Variants in INSRR observed in about 807,000 individuals in gnomAD.
INSRR encodes the protein insulin receptor-related protein.
INSRR carries 114 observed loss-of-function variants against 130.0 expected under a neutral mutation model. That is an observed-to-expected ratio of 0.88 (90% CI 0.75 to 1.02). INSRR has a LOEUF of 1.02. Among genes scored for constraint, INSRR ranks in the 50% least tolerant of loss-of-function variants. The pLI, the probability that INSRR is intolerant of heterozygous loss-of-function variation, is 0.00. For synonymous variants in INSRR, 674 were observed against 705.2 expected, an observed-to-expected ratio of 0.96 and a Z score of 0.70; for missense variants, 1,657 against 1,735.2, an observed-to-expected ratio of 0.95 and a Z score of 0.80.
intron 11 of INSRR, 28 bp downstream of exon 11, chr1:156,845,344 C>T (rs1407118832): frequency 1.9e-6 from 3 of 1,606,342 alleles, no homozygotes; most frequent in Non-Finnish European, 2.6e-6. Context: ...AAGCCACGCC[C>T]CTCAGCACCT....
chr1:156,848,770 G>A, intron 7 of INSRR, 151 bp downstream of exon 7: 2 of 883,228 alleles, frequency 2.3e-6, no homozygotes, highest in Non-Finnish European at 3.4e-6. Context: ...AAGAGAGCCA[G>A]ACCTGGGCCC....
Position 156,852,201 on chromosome 1 carries a change from G to A in INSRR, c.638-10C>T. 2 of 1,580,146 alleles carry A rather than the reference G, an allele frequency of 1.3e-6. No homozygotes were observed. Among genetic ancestry groups the A allele is most frequent in the Non-Finnish European group, 8.6e-7 (1 of 1,160,290 alleles). ...TGGGGGCAGGGGCACACTGTGGGGA[G>A]AGTGGTGTGTTAGACGTTGGCCATG... On this transcript the variant is annotated splice_polypyrimidine_tract_variant and intron_variant, in intron 2 of 21. Coordinates refer to ENST00000368195, the MANE Select transcript of INSRR (RefSeq NM_014215.3).
intron 4 of INSRR, 87 bp downstream of exon 4, chr1:156,851,559 T>A (rs753679667): frequency 6.2e-7 from 1 of 1,609,186 alleles, no homozygotes; most frequent in Non-Finnish European, 8.5e-7. Flanking sequence ...GATGGAAAAT[T>A]GTGCTGAGTT....
Position 156,850,534 on chromosome 1 carries a change from CTTTTTTTTTTTTTT to C in INSRR, c.1229+742_1229+755del, listed in dbSNP as rs35237064. ...GACCTGGATGGTAATTTAAAACATT[CTTTTTTTTTTTTTT>C]TTTTTTTTTTTTTTTTTGAGATGGA... On this transcript the variant is annotated intron_variant, in intron 5 of 21. Transcript: ENST00000368195. Among the ~76,000 whole-genome samples, 115 of 58,644 alleles carry C rather than the reference CTTTTTTTTTTTTTT, an allele frequency of 2.0e-3. 1 individual carries two copies. Among genetic ancestry groups the C allele is most frequent in the East Asian group, 0.01 (19 of 1,840 alleles). 38.5% of individuals were successfully genotyped at this position (58,644 alleles called of 152,430 possible). A position where few individuals can be genotyped will look rare whatever the true frequency, so the allele number is the denominator to read the frequency against.
rs1432718487 is a variant in INSRR at position 156,845,696 on chromosome 1, C to T, written c.2097G>A (p.Leu699=). The T allele has an allele frequency of 3.1e-6, 5 of 1,612,988 alleles. No homozygotes were observed. Among genetic ancestry groups the T allele is most frequent in the Non-Finnish European group, 3.4e-6 (4 of 1,179,712 alleles). The change falls in exon 10 of 22, where the codon CTG becomes CTA. Residue 699 remains leucine, a synonymous_variant. Coordinates refer to ENST00000368195, the MANE Select transcript of INSRR (RefSeq NM_014215.3). ...PCQHPPPGQV[L]PPLEAQEASF... Reference sequence around the variant, plus strand: ...AGGCCTCTTGCGCCTCCAGCGGGGGCAGAACCTGACCAGGAGGTGGGTGCT... The same window carrying T: ...AGGCCTCTTGCGCCTCCAGCGGGGGTAGAACCTGACCAGGAGGTGGGTGCT...
In INSRR at chr1:156,845,197, C is replaced by G; in HGVS notation, c.2316G>C (p.Ala772=). The change falls in exon 12 of 22, where the codon GCG becomes GCC. Residue 772 remains alanine, a synonymous_variant. Transcript: ENST00000368195. ...IQEDKVPRER[A]VLSGLRHFTE... ...TGAAGTGGCGCAGGCCGCTCAGCAC[C>G]GCTCGCTCACGGGGCACCTTGTCCT... 6.2e-7 allele frequency: 1 copy of G among 1,609,396 alleles called. No individual in the cohort carries two copies. The highest frequency in any genetic ancestry group is 1.1e-5 in the South Asian group (1 of 90,224).
chr1:156,849,943 T>A (rs1655144325), intron 5 of INSRR, among the ~76,000 whole-genome samples: 1 of 151,574 alleles, frequency 6.6e-6, no homozygotes, highest in South Asian at 2.1e-4. Context: ...CACTCTGTCA[T>A]CCAGGCCAGA....
chr1:156,847,893 AGTT>A (rs1164121203), intron 7 of INSRR, among the ~76,000 whole-genome samples: 1 of 152,130 alleles, frequency 6.6e-6, no homozygotes, highest in African/African-American at 2.4e-5. Flanking sequence ...AGCTGTGTAT[AGTT>A]GTGCAGATTG....
rs1371053320 is a variant in INSRR, at chr1:156,840,213, G to A, written c.*660C>T. 3 of 153,982 alleles carry A rather than the reference G, an allele frequency of 1.9e-5. No individual in the cohort carries two copies. Among genetic ancestry groups the A allele is most frequent in the African/African-American group, 7.2e-5 (3 of 41,382 alleles). 9.5% of individuals were successfully genotyped at this position (153,982 alleles called of 1,614,324 possible). On this transcript the variant is annotated 3_prime_UTR_variant, in exon 22 of 22. Coordinates refer to ENST00000368195, the MANE Select transcript of INSRR (RefSeq NM_014215.3). The stretch of plus-strand genomic sequence containing the variant: ...GGGCTAATCATTGAGGGGAGGGACT[G>A]AAGAAAGGGTGACTGTACTCCAAGG...
In INSRR at chr1:156,846,558, C is replaced by T; in HGVS notation, c.1771G>A (p.Ala591Thr). ...TTEEDSPHQG[A>T]QSPIVYLRTL... ...CGGAGGTAGACGATGGGACTCTGGG[C>T]TCCTTGATGAGGGCTGTCCTCCTCA... The change falls in exon 8 of 22, where the codon GCC becomes ACC. Residue 591 changes from alanine to threonine, a missense_variant. Transcript: ENST00000368195. The T allele has an allele frequency of 6.2e-7, 1 of 1,614,194 alleles. No homozygotes were observed. Among genetic ancestry groups the T allele is most frequent in the Non-Finnish European group, 8.5e-7 (1 of 1,180,026 alleles).
rs763085749 is a variant in INSRR, at chr1:156,853,994, C to A, written c.395G>T (p.Gly132Val). The change falls in exon 2 of 22, where the codon GGG becomes GTG. Residue 132 changes from glycine to valine, a missense_variant. Gly to Val is a moderately radical substitution (Grantham distance 109, BLOSUM62 -3). Transcript: ENST00000368195. Reference sequence around the variant, plus strand: ...ACGCACAGCCCCACGCAGCACGGCCCCAAGTGCAGGCAGTGCCACGTCACG... The same window carrying A: ...ACGCACAGCCCCACGCAGCACGGCCACAAGTGCAGGCAGTGCCACGTCACG... ...HLRDVALPALGAVLRGAVRVE... is the reference protein window; with the variant it reads ...HLRDVALPALVAVLRGAVRVE... 5.0e-6 allele frequency: 8 copies of A among 1,613,552 alleles called. No individual in the cohort carries two copies. The highest frequency in any genetic ancestry group is 1.7e-5 in the Admixed American group (1 of 59,990).
chr1:156,844,391 G>A (rs1180780039), intron 14 of INSRR, 71 bp downstream of exon 14: 3 of 1,572,762 alleles, frequency 1.9e-6, no homozygotes, highest in Non-Finnish European at 2.6e-6. Context: ...TGCGGGGGAG[G>A]GGCCTGTGGT....
rs143355682 is a variant in INSRR, at chr1:156,842,443, A to C, written c.3192T>G (p.Arg1064=). The change falls in exon 18 of 22, where the codon CGT becomes CGG. Residue 1064 remains arginine (R), a synonymous_variant. Transcript: ENST00000368195. ...PTLVIMELMT[R]GDLKSHLRSL... is the part of the protein sequence containing the mutation. ...ATCGAAGATGGCTCTTGAGGTCCCC[A>C]CGGGTCATTAACTCCATGATGACCA... The C allele has an allele frequency of 1.1e-5, 17 of 1,613,928 alleles. No homozygotes were observed. The African/African-American group carries it at 2.3e-4, about 22-fold the overall frequency.
rs1315182945 is a variant in INSRR at position 156,845,472 on chromosome 1, C to T, written c.2175-59G>A. 2.1e-5 allele frequency: 32 copies of T among 1,517,064 alleles called. No homozygotes were observed. In the Admixed American group the frequency reaches 7.1e-4, roughly 34 times the overall value. The allele number at this position is 1,517,064 out of a possible 1,614,324, so 94.0% of individuals were successfully genotyped here. A position where few individuals can be genotyped will look rare whatever the true frequency, so the allele number is the denominator to read the frequency against. On this transcript the variant is annotated intron_variant, in intron 10 of 21. Transcript: ENST00000368195. ...TCCGGATGCACCCCTGTGCCCTCTG[C>T]AGCGCGTACCGCCTCCAAAAGCACC...
chr1:156,847,721 A>T (rs1323240808), intron 7 of INSRR, among the ~76,000 whole-genome samples: 4 of 152,006 alleles, frequency 2.6e-5, no homozygotes, highest in Non-Finnish European at 5.9e-5. Context: ...CCTGTGAGGC[A>T]TGACACACTG....
At chr1:156,855,600 A>C (rs1170405157) in intron 1 of INSRR, among the ~76,000 whole-genome samples, 1 of 152,250 alleles carries the variant, frequency 6.6e-6, no homozygotes, top group East Asian at 1.9e-4. Context: ...AGGTGGGAAG[A>C]TTGCTTGAGC....
chr1:156,840,979 G>A lies in INSRR; in HGVS notation c.3788C>T (p.Pro1263Leu), dbSNP rs755584536. 43 of 1,613,454 alleles carry A rather than the reference G, an allele frequency of 2.7e-5. No homozygotes were observed. Among genetic ancestry groups the A allele is most frequent in the Middle Eastern group, 1.6e-4 (1 of 6,074 alleles). The part of the protein sequence containing the change: ...SFRLLSFYYS[P>L]ECRGARGSLP... ...GGAGCCCCGGGCCCCCCGGCATTCC[G>A]GGCTGTAGTAGAAGGAGAGGAGGCG... The change falls in exon 22 of 22, where the codon CCG becomes CTG. Residue 1263 changes from proline (P) to leucine (L), a missense_variant. Pro to Leu is a moderately conservative substitution (Grantham distance 98, BLOSUM62 -3). Coordinates refer to ENST00000368195, the MANE Select transcript of INSRR (RefSeq NM_014215.3).
intron 1 of INSRR, among the ~76,000 whole-genome samples, chr1:156,857,338 C>T (rs1315682616): frequency 1.3e-5 from 2 of 152,196 alleles, no homozygotes; most frequent in Non-Finnish European, 2.9e-5. Context: ...CTCAGGCGCC[C>T]ACTTCCCATC....
At chr1:156,842,916 G>A in intron 17 of INSRR, 88 bp downstream of exon 17, 1 of 1,022,198 alleles carries the variant, frequency 9.8e-7, no homozygotes, top group South Asian at 1.5e-5. Context: ...CCTTAATGGT[G>A]CCCTAACCTC....
Sources: gnomAD v4.1 joint callset for allele counts (sites outside exome capture counted in the v4.1 genomes callset) on GRCh38, gnomAD v4.1.1 for gene constraint, MANE v1.5 for transcripts, NCBI Gene and HGNC (gene_info 2026-07-23, HGNC 2026-07-21) for gene names.